ZMAT4: variants seen among roughly 807,000 people sequenced by gnomAD.
The protein encoded by ZMAT4 is zinc finger matrin-type protein 4.
In ZMAT4, 17 loss-of-function variants were observed where a neutral mutation model predicts 28.7. The ratio of observed to expected loss-of-function variants is 0.59; its 90% CI spans 0.41 to 0.89. The LOEUF (loss-of-function observed/expected upper bound fraction) is 0.89, where lower values mean the gene tolerates loss of function less well. Ranked by LOEUF, ZMAT4 falls within the 40% of genes least tolerant of loss-of-function variation. ZMAT4 has a pLI of 0.00. For synonymous variants in ZMAT4, 117 were observed against 109.2 expected (o/e 1.07, Z -0.44); for missense variants, 240 against 283.8 (o/e 0.85, Z 1.11).
chr8:40,874,721 G>T (rs549097964), intron 1 of ZMAT4, among the ~76,000 whole-genome samples: 2 of 152,216 alleles, frequency 1.3e-5, no homozygotes, highest in Non-Finnish European at 2.9e-5. Flanking sequence ...CACCTGGATG[G>T]TTTCTGGCTA....
At chr8:40,763,759 A>T (rs1488934067) in intron 3 of ZMAT4, among the ~76,000 whole-genome samples, 1 of 152,144 alleles carries the variant, frequency 6.6e-6, no homozygotes, top group Non-Finnish European at 1.5e-5. Context: ...ATGTTTAGGG[A>T]CTTGTAAAAG....
At chr8:40,629,911 G>T (rs1027505655) in intron 5 of ZMAT4, among the ~76,000 whole-genome samples, 4 of 152,102 alleles carry the variant, frequency 2.6e-5, no homozygotes, top group African/African-American at 9.7e-5. Context: ...TAATCCTTTA[G>T]GTATATATCC....
chr8:40,847,510 GC>G (rs777692070), intron 1 of ZMAT4, among the ~76,000 whole-genome samples: 3 of 152,166 alleles, frequency 2.0e-5, no homozygotes, highest in African/African-American at 4.8e-5. Context: ...AGCCAGGTGC[GC>G]TGAGGAAGAA....
At chr8:40,862,510 T>C (rs1279764432) in intron 1 of ZMAT4, among the ~76,000 whole-genome samples, 1 of 145,306 alleles carries the variant, frequency 6.9e-6, no homozygotes, top group Non-Finnish European at 1.5e-5. Context: ...GCATGGCACA[T>C]GTATACATAT....
chr8:40,808,053 C>T (rs1815163579), intron 2 of ZMAT4, among the ~76,000 whole-genome samples: 1 of 152,042 alleles, frequency 6.6e-6, no homozygotes, highest in Non-Finnish European at 1.5e-5. Flanking sequence ...ACTTTTTAAA[C>T]TAGGAAAAAT....
intron 6 of ZMAT4, among the ~76,000 whole-genome samples, chr8:40,554,425 G>A (rs1227919282): frequency 2.6e-5 from 4 of 151,910 alleles, no homozygotes; most frequent in Admixed American, 2.0e-4. Context: ...TAAGTACTGG[G>A]AATACACTGC....
intron 2 of ZMAT4, chr8:40,786,644 C>A: frequency 8.1e-7 from 1 of 1,229,616 alleles, no homozygotes; most frequent in South Asian, 1.3e-5. Context: ...TGTGAACATC[C>A]ATTCATTAAC....
chr8:40,706,184 C>G (rs1810342079), intron 3 of ZMAT4, among the ~76,000 whole-genome samples: 1 of 152,178 alleles, frequency 6.6e-6, no homozygotes. Context: ...TCCTGAGTAG[C>G]TGGGACTACA....
intron 5 of ZMAT4, among the ~76,000 whole-genome samples, chr8:40,629,110 C>T (rs1004192705): frequency 1.3e-5 from 2 of 150,494 alleles, no homozygotes; most frequent in Non-Finnish European, 3.0e-5. Flanking sequence ...TTCCATGATT[C>T]GACCTCTATC....
chr8:40,587,633 T>C (rs1804711680), intron 5 of ZMAT4, among the ~76,000 whole-genome samples: 1 of 151,440 alleles, frequency 6.6e-6, no homozygotes, highest in South Asian at 2.1e-4. Context: ...CTAAAAAATA[T>C]AGAGAAAATA....
At position 40,793,735 on chromosome 8, in the gene ZMAT4, C is replaced by T. The variant is rs569768674; in HGVS notation, c.103-26005G>A. On this transcript the variant is annotated intron_variant, in intron 2 of 6. Transcript: ENST00000297737. ...CAGAGCCACTGATTTGTATCTATGT[C>T]GTTTGTCTAAGCCCTGAAGTTTCTC... Among the ~76,000 whole-genome samples, 5 of 152,294 alleles carry T rather than the reference C, an allele frequency of 3.3e-5. No individual in the cohort carries two copies. In the South Asian group the frequency reaches 6.2e-4, roughly 19 times the overall value.
intron 3 of ZMAT4, among the ~76,000 whole-genome samples, chr8:40,734,941 T>C (rs1811697947): frequency 6.6e-6 from 1 of 152,364 alleles, no homozygotes; most frequent in Non-Finnish European, 1.5e-5. Context: ...GACCTAAAGA[T>C]TACAGAGCCT....
chr8:40,669,340 G>T (rs570448634), intron 5 of ZMAT4, among the ~76,000 whole-genome samples: 1 of 152,120 alleles, frequency 6.6e-6, no homozygotes, highest in South Asian at 2.1e-4. Context: ...ATAAAAGCAA[G>T]CAATGGAAGG....
intron 3 of ZMAT4, among the ~76,000 whole-genome samples, chr8:40,752,090 G>A (rs1371360263): frequency 6.6e-6 from 1 of 152,126 alleles, no homozygotes; most frequent in Non-Finnish European, 1.5e-5. Flanking sequence ...AGTAACCCCA[G>A]TCCTCCTACT....
At chr8:40,586,228 C>T (rs960539599) in intron 5 of ZMAT4, among the ~76,000 whole-genome samples, 1 of 152,144 alleles carries the variant, frequency 6.6e-6, no homozygotes, top group South Asian at 2.1e-4. Flanking sequence ...TTATATGAGT[C>T]TTCTTTTCCT....
At chr8:40,711,523 G>C (rs1010543816) in intron 3 of ZMAT4, among the ~76,000 whole-genome samples, 1 of 152,134 alleles carries the variant, frequency 6.6e-6, no homozygotes, top group Non-Finnish European at 1.5e-5. Context: ...AAAGGACAGA[G>C]GAAAGTGTTG....
At chr8:40,667,162 A>AT (rs908227611) in intron 5 of ZMAT4, among the ~76,000 whole-genome samples, 1 of 150,032 alleles carries the variant, frequency 6.7e-6, no homozygotes, top group African/African-American at 2.5e-5. Flanking sequence ...TTTTATTTTT[A>AT]TTTTTTTCTT....
Position 40,532,752 on chromosome 8 carries a change from C to G in ZMAT4, c.675-514G>C, listed in dbSNP as rs922736693. ...GTGGCTCATGCCTGTAATCCCAACA[C>G]TTTGGGAGGTAGAGGTGGGCAGATC... On this transcript the variant is annotated intron_variant, in intron 6 of 6. Coordinates refer to ENST00000297737, the MANE Select transcript of ZMAT4 (RefSeq NM_024645.3). 2.6e-5 allele frequency among the ~76,000 whole-genome samples: 4 copies of G among 152,114 alleles called. No individual in the cohort carries two copies. The East Asian group carries it at 7.7e-4, about 29-fold the overall frequency.
chr8:40,536,862 C>T (rs1802862421), intron 6 of ZMAT4, among the ~76,000 whole-genome samples: 1 of 151,150 alleles, frequency 6.6e-6, no homozygotes, highest in East Asian at 1.9e-4. Context: ...AGGTGTCTTG[C>T]TTCTGAAAAG....
Sources: allele counts gnomAD v4.1 joint callset (sites outside exome capture counted in the v4.1 genomes callset), GRCh38; gene constraint gnomAD v4.1.1; transcripts MANE v1.5; gene names NCBI Gene and HGNC (gene_info 2026-07-23, HGNC 2026-07-21).